DCP2: variants seen among roughly 807,000 people sequenced by gnomAD.
DCP2 encodes decapping mRNA 2, also known as m7GpppN-mRNA hydrolase.
A neutral mutation model predicts 56.1 loss-of-function variants in DCP2; 30 were observed. That is an observed-to-expected ratio of 0.53 (90% CI 0.40 to 0.73). The LOEUF (loss-of-function observed/expected upper bound fraction) is 0.73. DCP2 is among the 30% of genes least tolerant of loss of function. DCP2 has a pLI of 0.00. For synonymous variants in DCP2, 197 were observed against 163.3 expected, an observed-to-expected ratio of 1.21 and a Z score of -1.57; for missense variants, 533 against 502.7, an observed-to-expected ratio of 1.06 and a Z score of -0.58.
At chr5:112,982,144 G>C (rs1357748907) in intron 1 of DCP2, among the ~76,000 whole-genome samples, 5 of 151,970 alleles carry the variant, frequency 3.3e-5, no homozygotes, top group Non-Finnish European at 7.4e-5. Flanking sequence ...TGGTGTTTTT[G>C]CTTCACATTT....
intron 1 of DCP2, among the ~76,000 whole-genome samples, chr5:112,981,493 T>C (rs1748000982): frequency 6.6e-6 from 1 of 152,222 alleles, no homozygotes; most frequent in Non-Finnish European, 1.5e-5. Flanking sequence ...TAAATCTACG[T>C]CTGTTATATT....
chr5:112,976,897 G>C lies in DCP2; in HGVS notation c.-37G>C. On this transcript the variant is annotated 5_prime_UTR_variant, in exon 1 of 11. Transcript: ENST00000389063. ...CGTACCGTCAGTCCCCGGCCGCGCGGAGCCGGGATGCACTGTTCCTGCTGT... is the reference window on the plus strand; with the variant it reads ...CGTACCGTCAGTCCCCGGCCGCGCGCAGCCGGGATGCACTGTTCCTGCTGT... The C allele has an allele frequency of 6.2e-7, 1 of 1,609,926 alleles. No individual in the cohort carries two copies.
chr5:112,984,701 AAAATATATATAT>A, intron 1 of DCP2: 1 of 79,560 alleles, frequency 1.3e-5, no homozygotes, highest in South Asian at 3.8e-4. Context: ...AAAAAAAAAA[AAAATATATATAT>A]ATATATATAT....
Position 113,019,764 on chromosome 5 carries a change from T to C in DCP2, c.*6280T>C, listed in dbSNP as rs928315390. 4 of 152,252 alleles carry C rather than the reference T, an allele frequency of 2.6e-5. No homozygotes were observed. Among genetic ancestry groups the C allele is most frequent in the African/African-American group, 9.6e-5 (4 of 41,470 alleles). 9.4% of individuals were successfully genotyped at this position (152,252 alleles called of 1,614,324 possible). On this transcript the variant is annotated 3_prime_UTR_variant, in exon 11 of 11. Coordinates refer to ENST00000389063, the MANE Select transcript of DCP2 (RefSeq NM_152624.6). ...TTTAAAAAATCATCCTTGGTAATTA[T>C]TGACTTATCCTAGATCCATGTACAA...
intron 9 of DCP2, among the ~76,000 whole-genome samples, chr5:113,009,553 A>G (rs962306488): frequency 2.0e-5 from 3 of 152,346 alleles, no homozygotes; most frequent in Admixed American, 6.5e-5. Flanking sequence ...GGACTTTGCT[A>G]TATCAAAACC....
chr5:113,001,649 G>C lies in DCP2; in HGVS notation c.781G>C (p.Ala261Pro). ...ATTTTCCTCAACTGGTAGCACGCCG[G>C]CTAAACCCACTGTGGAAAAATTGAG... ...NGFSSTGSTP[A>P]KPTVEKLSRT... is the part of the protein sequence containing the mutation. The change falls in exon 7 of 11, where the codon GCT becomes CCT. Residue 261 changes from alanine (A) to proline (P), a missense_variant. By Grantham distance (27) the Ala-to-Pro change is conservative. Coordinates refer to ENST00000389063, the MANE Select transcript of DCP2 (RefSeq NM_152624.6). The C allele has an allele frequency of 1.2e-6, 2 of 1,614,080 alleles. No individual in the cohort carries two copies. The highest frequency in any genetic ancestry group is 1.7e-6 in the Non-Finnish European group (2 of 1,179,980).
chr5:112,998,841 CGAG>C (rs2150181700), intron 4 of DCP2, among the ~76,000 whole-genome samples: 1 of 152,254 alleles, frequency 6.6e-6, no homozygotes, highest in Non-Finnish European at 1.5e-5. Context: ...GTTTTAAGAA[CGAG>C]GAGTTCTTTT....
rs747101498 is a variant in DCP2, at chr5:112,976,807, G to C, written c.-127G>C. 7.4e-6 allele frequency: 7 copies of C among 942,086 alleles called. 1 individual carries two copies. The highest frequency in any genetic ancestry group is 8.8e-6 in the Non-Finnish European group (5 of 566,036). 58.4% of individuals were successfully genotyped at this position (942,086 alleles called of 1,614,324 possible). A position where few individuals can be genotyped will look rare whatever the true frequency, so the allele number is the denominator to read the frequency against. On this transcript the variant is annotated 5_prime_UTR_variant, in exon 1 of 11. Coordinates refer to ENST00000389063, the MANE Select transcript of DCP2 (RefSeq NM_152624.6). ...CCCGCCCCTTCCCCTTCTCGTCTCCGTTGGAGTCGTCTCTGCCGCGGCTTC... is the reference window on the plus strand; with the variant it reads ...CCCGCCCCTTCCCCTTCTCGTCTCCCTTGGAGTCGTCTCTGCCGCGGCTTC...
chr5:113,021,292 G>C lies in DCP2; in HGVS notation c.*7808G>C, dbSNP rs988641619. Among the ~76,000 whole-genome samples the C allele has an allele frequency of 6.6e-6, 1 of 151,214 alleles. No homozygotes were observed. ...TGAGGCAGGAGAATCTCTTGACCCC[G>C]GGAGGCAGAGGTCGCAGTGAGCTGA... is the stretch of plus-strand genomic sequence containing the variant. On this transcript the variant is annotated 3_prime_UTR_variant, in exon 11 of 11. Coordinates refer to ENST00000389063, the MANE Select transcript of DCP2 (RefSeq NM_152624.6).
At chr5:113,013,293 T>A in intron 10 of DCP2, 28 bp from the exon 11 acceptor site, 2 of 1,593,518 alleles carry the variant, frequency 1.3e-6, no homozygotes, top group Non-Finnish European at 1.7e-6. Context: ...GTTACTGAGC[T>A]TATTTATTTT....
chr5:112,980,412 C>T (rs1028161105), intron 1 of DCP2, among the ~76,000 whole-genome samples: 3 of 152,096 alleles, frequency 2.0e-5, no homozygotes, highest in Non-Finnish European at 2.9e-5. Context: ...TGAATTCAAC[C>T]GGAACATTTT....
Position 112,981,160 on chromosome 5 carries a change from C to T in DCP2, c.53+4174C>T, listed in dbSNP as rs564378366. Among the ~76,000 whole-genome samples the T allele has an allele frequency of 3.9e-5, 6 of 152,190 alleles. No individual in the cohort carries two copies. In the South Asian group the frequency reaches 1.2e-3, roughly 32 times the overall value. Reference sequence around the variant, plus strand: ...AGTAGCTAGGACTATAGGCATGTACCACCATGCCCAGGTATTAAATACATT... The same window carrying T: ...AGTAGCTAGGACTATAGGCATGTACTACCATGCCCAGGTATTAAATACATT... On this transcript the variant is annotated intron_variant, in intron 1 of 10. Coordinates refer to ENST00000389063, the MANE Select transcript of DCP2 (RefSeq NM_152624.6).
At chr5:113,005,434 G>T (rs907016870) in intron 8 of DCP2, among the ~76,000 whole-genome samples, 1 of 152,064 alleles carries the variant, frequency 6.6e-6, no homozygotes, top group Non-Finnish European at 1.5e-5. Context: ...AATAATTAGT[G>T]GTATCTCCAC....
In DCP2 at chr5:113,022,032, A is replaced by G. The variant is rs192212346; in HGVS notation, c.*8548A>G. 2.0e-5 allele frequency: 3 copies of G among 152,182 alleles called. No individual in the cohort carries two copies. Among genetic ancestry groups the G allele is most frequent in the Admixed American group, 2.0e-4 (3 of 15,284 alleles). 9.4% of individuals were successfully genotyped at this position (152,182 alleles called of 1,614,324 possible). A position where few individuals can be genotyped will look rare whatever the true frequency, so the allele number is the denominator to read the frequency against. On this transcript the variant is annotated 3_prime_UTR_variant, in exon 11 of 11. Coordinates refer to ENST00000389063, the MANE Select transcript of DCP2 (RefSeq NM_152624.6). ...TTCATGTAAGCATCATGGATTTGAT[A>G]TTTGCCTGCATGTATATCACAGTTC... is the stretch of plus-strand genomic sequence containing the variant.
At chr5:113,000,952 G>C in intron 4 of DCP2, 132 bp from the exon 5 acceptor site, 3 of 922,982 alleles carry the variant, frequency 3.3e-6, no homozygotes, top group Non-Finnish European at 4.8e-6. Flanking sequence ...TTCTGTACCA[G>C]CCTGTCATTT....
intron 1 of DCP2, among the ~76,000 whole-genome samples, chr5:112,985,409 T>C (rs1167538074): frequency 2.0e-5 from 3 of 152,236 alleles, no homozygotes; most frequent in African/African-American, 7.2e-5. Flanking sequence ...AGCAACAGAA[T>C]ATTGGTTTCT....
At chr5:113,005,151 G>GGTGTGTGTGTGTGTGGGTGTGT (rs1749363805) in intron 8 of DCP2, among the ~76,000 whole-genome samples, 1 of 149,420 alleles carries the variant, frequency 6.7e-6, no homozygotes, top group Non-Finnish European at 1.5e-5. Context: ...TGTGCGTGTG[G>GGTGTGTGTGTGTGTGGGTGTGT]GTGTGTGTGT....
At chr5:112,978,892 T>A (rs1409434340) in intron 1 of DCP2, among the ~76,000 whole-genome samples, 4 of 152,150 alleles carry the variant, frequency 2.6e-5, no homozygotes, top group Non-Finnish European at 5.9e-5. Context: ...GGGTTAAGAG[T>A]TGATTTAGAA....
rs1749993738 is a variant in DCP2, at chr5:113,018,779, G to A, written c.*5295G>A. ...CCATTGAGTCCTTTTTTTCTCCCTGGTGTCTTACCCCTTCTGTAGAATAAT... is the reference window on the plus strand; with the variant it reads ...CCATTGAGTCCTTTTTTTCTCCCTGATGTCTTACCCCTTCTGTAGAATAAT... On this transcript the variant is annotated 3_prime_UTR_variant, in exon 11 of 11. Coordinates refer to ENST00000389063, the MANE Select transcript of DCP2 (RefSeq NM_152624.6). 6.6e-6 allele frequency: 1 copy of A among 151,932 alleles called. No individual in the cohort carries two copies. Among genetic ancestry groups the A allele is most frequent in the African/African-American group, 2.4e-5 (1 of 41,350 alleles). 9.4% of individuals were successfully genotyped at this position (151,932 alleles called of 1,614,324 possible).
Sources: gnomAD v4.1 joint callset for allele counts (sites outside exome capture counted in the v4.1 genomes callset) on GRCh38, gnomAD v4.1.1 for gene constraint, MANE v1.5 for transcripts, NCBI Gene and HGNC (gene_info 2026-07-23, HGNC 2026-07-21) for gene names.